The following FAT1 variants were observed in gnomAD, a reference collection of about 807,000 sequenced individuals.
The protein encoded by FAT1 is FAT atypical cadherin 1, also known as protocadherin Fat 1.
A neutral mutation model predicts 329.8 loss-of-function variants in FAT1; 171 were observed. That is an observed-to-expected ratio of 0.52 (90% CI 0.46 to 0.59). The LOEUF (loss-of-function observed/expected upper bound fraction) is 0.59, where lower values mean the gene tolerates loss of function less well. Among genes scored for constraint, FAT1 ranks in the 20% least tolerant of loss-of-function variants. FAT1 has a pLI of 0.00. For missense variants in FAT1, 5,672 were observed against 5,774.4 expected, an observed-to-expected ratio of 0.98 and a Z score of 0.57; for synonymous variants, 2,233 against 2,228.6, an observed-to-expected ratio of 1.00 and a Z score of -0.06.
chr4:186,718,804 C>G (rs763598520), intron 1 of FAT1, among the ~76,000 whole-genome samples: 5 of 152,188 alleles, frequency 3.3e-5, no homozygotes, highest in Non-Finnish European at 5.9e-5. Flanking sequence ...CCCTGGCTTC[C>G]TTAGAACTCC....
Position 186,707,858 on chromosome 4 carries a change from A to G in FAT1, c.1970T>C (p.Leu657Ser), listed in dbSNP as rs1561008906. Residue 657 changes from leucine to serine, a missense_variant, in exon 2 of 27, where the codon TTA becomes TCA. Transcript: ENST00000441802. ...ATDGENFATP[L>S]YINITVAASH... ...GGCAGCCACTGTTATGTTGATATAT[A>G]ATGGTGTGGCAAAATTTTCTCCATC... is the stretch of plus-strand genomic sequence containing the variant. 1 of 1,613,868 alleles carries G rather than the reference A, an allele frequency of 6.2e-7. No homozygotes were observed. Among genetic ancestry groups the G allele is most frequent in the Non-Finnish European group, 8.5e-7 (1 of 1,179,892 alleles).
rs776054231 is a variant in FAT1, at chr4:186,602,907, G to C, written c.11478C>G (p.Cys3826Trp). 2 of 1,613,618 alleles carry C rather than the reference G, an allele frequency of 1.2e-6. No homozygotes were observed. The highest frequency in any genetic ancestry group is 1.7e-6 in the Non-Finnish European group (2 of 1,179,770). ...CVCPSGRFGQ[C>W]PGSSSMTLTG... is the part of the protein sequence containing the mutation. ...ACCCAACCATTCAACTCTCACCTGG[G>C]CACTGACCAAACCTGCCGCTGGGAC... Residue 3826 changes from cysteine to tryptophan, a missense_variant, in exon 20 of 27, where the codon TGC (cysteine) becomes TGG (tryptophan). Physicochemically the swap from Cys to Trp is radical, Grantham distance 215. Coordinates refer to ENST00000441802, the MANE Select transcript of FAT1 (RefSeq NM_005245.4).
chr4:186,620,778 G>A lies in FAT1; in HGVS notation c.5808C>T (p.Leu1936=), dbSNP rs2126518993. The A allele has an allele frequency of 6.2e-7, 1 of 1,614,032 alleles. No homozygotes were observed. Among genetic ancestry groups the A allele is most frequent in the Non-Finnish European group, 8.5e-7 (1 of 1,179,902 alleles). ...TTAACTGAGTTGTGTTTTGGACAGT[G>A]AGAGCACCAGTCTTGTAGTCCATAG... ...KFSMDYKTGA[L]TVQNTTQLRS... is the part of the protein sequence containing the mutation. The change falls in exon 10 of 27, where the codon CTC becomes CTT. Residue 1936 remains leucine, a synonymous_variant. Transcript: ENST00000441802.
At position 186,597,111 on chromosome 4, in the gene FAT1, C is replaced by G; in HGVS notation, c.12429G>C (p.Glu4143Asp). ...GNPCLHGALC[E>D]NTHGSYHCNC... ...TGCAGTGATAGGAGCCGTGCGTGTTCTCACAGAGGGCCCCGTGCAGGCAAG... is the reference window on the plus strand; with the variant it reads ...TGCAGTGATAGGAGCCGTGCGTGTTGTCACAGAGGGCCCCGTGCAGGCAAG... The change falls in exon 25 of 27, where the codon GAG (glutamate) becomes GAC (aspartate). Residue 4143 changes from glutamate to aspartate, a missense_variant. Transcript: ENST00000441802. The G allele has an allele frequency of 6.2e-7, 1 of 1,613,952 alleles. No homozygotes were observed. Among genetic ancestry groups the G allele is most frequent in the East Asian group, 2.2e-5 (1 of 44,862 alleles).
At chr4:186,595,858 T>C (rs779873512) in intron 25 of FAT1, 32 bp from the exon 26 acceptor site, 29 of 1,612,680 alleles carry the variant, frequency 1.8e-5, no homozygotes, top group Non-Finnish European at 2.4e-5. Flanking sequence ...AGTAAGTATA[T>C]GGGCCAAGAC....
chr4:186,599,401 A>C (rs1290273470), intron 22 of FAT1, among the ~76,000 whole-genome samples: 1 of 152,094 alleles, frequency 6.6e-6, no homozygotes, highest in Non-Finnish European at 1.5e-5. Context: ...GACACAAAGT[A>C]CCCCACTACG....
chr4:186,621,190 G>A lies in FAT1; in HGVS notation c.5396C>T (p.Ala1799Val), dbSNP rs1370148067. ...AAGCAAAGCATTTGAGTCTTTATCA[G>A]CATCAGCTGCTCGAATCACCAGTGG... is the stretch of plus-strand genomic sequence containing the variant. ...NVPLVIRAADADKDSNALLVY... is the reference protein window; with the variant it reads ...NVPLVIRAADVDKDSNALLVY... The change falls in exon 10 of 27, where the codon GCT becomes GTT. Residue 1799 changes from alanine to valine, a missense_variant. Coordinates refer to ENST00000441802, the MANE Select transcript of FAT1 (RefSeq NM_005245.4). The A allele has an allele frequency of 1.2e-6, 2 of 1,613,988 alleles. No homozygotes were observed. The highest frequency in any genetic ancestry group is 1.7e-6 in the Non-Finnish European group (2 of 1,179,890).
chr4:186,704,046 T>C (rs1744460177), intron 2 of FAT1, among the ~76,000 whole-genome samples: 1 of 152,220 alleles, frequency 6.6e-6, no homozygotes. Flanking sequence ...AATGTGTAAA[T>C]ATTATTCTAT....
chr4:186,639,297 T>A (rs77765165), intron 4 of FAT1, among the ~76,000 whole-genome samples: 4 of 152,182 alleles, frequency 2.6e-5, no homozygotes, highest in African/African-American at 9.6e-5. Flanking sequence ...ACAAATTACC[T>A]CTAGTTAAAA....
At position 186,663,416 on chromosome 4, in the gene FAT1, C is replaced by A. The variant is rs1309267482; in HGVS notation, c.3463G>T (p.Asp1155Tyr). The A allele has an allele frequency of 6.2e-7, 1 of 1,614,000 alleles. No individual in the cohort carries two copies. Among genetic ancestry groups the A allele is most frequent in the South Asian group, 1.1e-5 (1 of 91,068 alleles). Residue 1155 changes from aspartate (D) to tyrosine (Y), a missense_variant, in exon 3 of 27, where the codon GAT becomes TAT. By Grantham distance (160) the Asp-to-Tyr change is radical. Transcript: ENST00000441802. ...YPEIMENSPKDVSVVQIEAFD... is the reference protein window; with the variant it reads ...YPEIMENSPKYVSVVQIEAFD... ...GCCTCGATCTGGACCACAGATACAT[C>A]TTTAGGAGAATTTTCCATGATTTCT...
intron 9 of FAT1, among the ~76,000 whole-genome samples, chr4:186,625,010 T>C (rs1740231264): frequency 6.6e-6 from 1 of 152,202 alleles, no homozygotes; most frequent in Non-Finnish European, 1.5e-5. Flanking sequence ...GCCATTGGTA[T>C]TATCTATTCA....
chr4:186,663,243 C>T (rs2126616184), intron 3 of FAT1, 56 bp downstream of exon 3: 1 of 1,292,164 alleles, frequency 7.7e-7, no homozygotes. Context: ...TCTTACTTTT[C>T]CCCCTAACAG....
chr4:186,636,246 T>A lies in FAT1; in HGVS notation c.3973-11A>T, dbSNP rs1163800561. ...GTCAACTGCCTTAATCTACAACATT[T>A]GGGCAGAGGGGATTAAAAACAGCAA... On this transcript the variant is annotated splice_polypyrimidine_tract_variant and intron_variant, in intron 5 of 26. Coordinates refer to ENST00000441802, the MANE Select transcript of FAT1 (RefSeq NM_005245.4). 6.2e-7 allele frequency: 1 copy of A among 1,611,524 alleles called. No homozygotes were observed. The highest frequency in any genetic ancestry group is 1.1e-5 in the South Asian group (1 of 91,028).
intron 20 of FAT1, among the ~76,000 whole-genome samples, chr4:186,602,411 C>G (rs573291208): frequency 6.6e-6 from 1 of 152,266 alleles, no homozygotes; most frequent in South Asian, 2.1e-4. Flanking sequence ...ATTTCTTTAT[C>G]TGAAAGAAAG....
At chr4:186,705,468 C>A (rs763817400) in intron 2 of FAT1, among the ~76,000 whole-genome samples, 1 of 152,282 alleles carries the variant, frequency 6.6e-6, no homozygotes, top group East Asian at 1.9e-4. Flanking sequence ...TTGAGCCCCA[C>A]CTATTGCTGA....
intron 2 of FAT1, among the ~76,000 whole-genome samples, chr4:186,697,222 G>A (rs1220653748): frequency 1.3e-5 from 2 of 152,108 alleles, no homozygotes; most frequent in Non-Finnish European, 2.9e-5. Flanking sequence ...TAACTTAAAC[G>A]AGGTATCAAT....
chr4:186,646,396 G>C (rs1033187110), intron 3 of FAT1, among the ~76,000 whole-genome samples: 1 of 152,110 alleles, frequency 6.6e-6, no homozygotes, highest in Non-Finnish European at 1.5e-5. Flanking sequence ...TTCTAGAAAA[G>C]CACTGTCCAA....
chr4:186,628,766 GT>G lies in FAT1; in HGVS notation c.4324-4del. The G allele has an allele frequency of 6.2e-7, 1 of 1,609,694 alleles. No individual in the cohort carries two copies. Among genetic ancestry groups the G allele is most frequent in the African/African-American group, 1.3e-5 (1 of 74,862 alleles). ...GTGTCTATTACTTTGATGAATACCT[GT>G]AATGGATGACAAAATGACTCATACA... is the stretch of plus-strand genomic sequence containing the variant. On this transcript the variant is annotated splice_polypyrimidine_tract_variant and splice_region_variant and intron_variant, in intron 7 of 26. Transcript: ENST00000441802.
At chr4:186,722,891 A>G (rs1379293400) in intron 1 of FAT1, among the ~76,000 whole-genome samples, 1 of 144,240 alleles carries the variant, frequency 6.9e-6, no homozygotes, top group Non-Finnish European at 1.5e-5. Context: ...ACCACAGTTC[A>G]GACAAAAAAA....
Sources: allele counts gnomAD v4.1 joint callset (sites outside exome capture counted in the v4.1 genomes callset), GRCh38; gene constraint gnomAD v4.1.1; transcripts MANE v1.5; gene names NCBI Gene and HGNC (gene_info 2026-07-23, HGNC 2026-07-21).